Variants in SNTB1 observed in about 807,000 individuals in gnomAD.
SNTB1 encodes beta-1-syntrophin.
In SNTB1, 36 loss-of-function variants were observed where a neutral mutation model predicts 48.9. The observed-to-expected ratio is 0.74, with a 90% CI of 0.56 to 0.97. The LOEUF (loss-of-function observed/expected upper bound fraction) is 0.97, where lower values mean the gene tolerates loss of function less well. Among genes scored for constraint, SNTB1 ranks in the 50% least tolerant of loss-of-function variants. SNTB1 has a pLI of 0.00. For synonymous variants in SNTB1, 299 were observed against 294.6 expected (o/e 1.01, Z -0.15); for missense variants, 786 against 703.4 (o/e 1.12, Z -1.33).
At chr8:120,624,267 T>C (rs1274858359) in intron 3 of SNTB1, among the ~76,000 whole-genome samples, 4 of 152,120 alleles carry the variant, frequency 2.6e-5, no homozygotes, top group Admixed American at 2.6e-4. Flanking sequence ...GAAAGACATT[T>C]ACGTCTTATA....
At chr8:120,580,187 G>T (rs1443003220) in intron 3 of SNTB1, among the ~76,000 whole-genome samples, 1 of 152,108 alleles carries the variant, frequency 6.6e-6, no homozygotes, top group Non-Finnish European at 1.5e-5. Flanking sequence ...AGCAATACGG[G>T]GGTCTCTTTT....
chr8:120,541,740 A>AG (rs1292642889), intron 6 of SNTB1, 70 bp downstream of exon 6: 6 of 1,163,898 alleles, frequency 5.2e-6, no homozygotes, highest in Non-Finnish European at 7.3e-6. Flanking sequence ...AATAAGAGTA[A>AG]GGCAGCATTA....
At chr8:120,639,650 T>G (rs975195392) in intron 2 of SNTB1, among the ~76,000 whole-genome samples, 68 of 152,268 alleles carry the variant, frequency 4.5e-4, no homozygotes, top group African/African-American at 1.4e-3. Context: ...TTTCCCCATT[T>G]CTTGTTTTTG....
chr8:120,792,277 A>C (rs1453573313), intron 1 of SNTB1, among the ~76,000 whole-genome samples: 1 of 146,868 alleles, frequency 6.8e-6, no homozygotes, highest in Non-Finnish European at 1.5e-5. Context: ...GTATGTTCTC[A>C]TAAGTGGGGG....
chr8:120,760,857 TG>T (rs1819407757), intron 1 of SNTB1, among the ~76,000 whole-genome samples: 1 of 152,110 alleles, frequency 6.6e-6, no homozygotes, highest in African/African-American at 2.4e-5. Flanking sequence ...CTGAAGACCT[TG>T]TGAATAATTT....
chr8:120,750,477 A>T (rs772498042), intron 1 of SNTB1, among the ~76,000 whole-genome samples: 1 of 152,168 alleles, frequency 6.6e-6, no homozygotes, highest in Non-Finnish European at 1.5e-5. Flanking sequence ...CTTATCATTC[A>T]TCAAAATCAA....
intron 1 of SNTB1, among the ~76,000 whole-genome samples, chr8:120,755,682 C>T (rs1018148854): frequency 2.0e-5 from 3 of 151,932 alleles, no homozygotes; most frequent in Non-Finnish European, 4.4e-5. Flanking sequence ...GTAGTGATAC[C>T]AGGAACTATG....
intron 1 of SNTB1, among the ~76,000 whole-genome samples, chr8:120,768,326 A>G (rs552749916): frequency 4.7e-4 from 72 of 152,340 alleles, no homozygotes; most frequent in Non-Finnish European, 8.2e-4. Context: ...TGATTGGTGC[A>G]TGGCAGCCCA....
At chr8:120,550,613 T>C (rs1156830227) in intron 4 of SNTB1, among the ~76,000 whole-genome samples, 1 of 149,382 alleles carries the variant, frequency 6.7e-6, no homozygotes, top group African/African-American at 2.5e-5. Flanking sequence ...TCTAGGACAG[T>C]GTGAAGGGAA....
At chr8:120,677,075 A>C (rs988044876) in intron 2 of SNTB1, among the ~76,000 whole-genome samples, 1 of 151,794 alleles carries the variant, frequency 6.6e-6, no homozygotes, top group African/African-American at 2.4e-5. Context: ...AAAAAAAAAA[A>C]AAAACTTTAT....
chr8:120,538,764 G>T lies in SNTB1; in HGVS notation c.*113C>A. The stretch of plus-strand genomic sequence containing the variant: ...TTACATACGACTCTTGAGAGCTAAA[G>T]CTGACTGTAGCACGCTACATCTGGT... On this transcript the variant is annotated 3_prime_UTR_variant, in exon 7 of 7. Transcript: ENST00000517992. 2 of 893,882 alleles carry T rather than the reference G, an allele frequency of 2.2e-6. No individual in the cohort carries two copies. Among genetic ancestry groups the T allele is most frequent in the Non-Finnish European group, 3.8e-6 (2 of 529,450 alleles). 55.4% of individuals were successfully genotyped at this position (893,882 alleles called of 1,614,324 possible).
intron 2 of SNTB1, among the ~76,000 whole-genome samples, chr8:120,677,350 C>T (rs2129805828): frequency 6.6e-6 from 1 of 152,304 alleles, no homozygotes; most frequent in East Asian, 1.9e-4. Flanking sequence ...GATTCAAGGC[C>T]TGTCTCTGTG....
At chr8:120,630,775 A>G (rs1432081707) in intron 3 of SNTB1, among the ~76,000 whole-genome samples, 1 of 152,204 alleles carries the variant, frequency 6.6e-6, no homozygotes, top group African/African-American at 2.4e-5. Flanking sequence ...TTCAGCACTA[A>G]GACTGAACGG....
intron 1 of SNTB1, among the ~76,000 whole-genome samples, chr8:120,754,577 G>T (rs145680874): frequency 3.2e-4 from 48 of 152,266 alleles, no homozygotes; most frequent in African/African-American, 1.1e-3. Flanking sequence ...GTGGGGATAA[G>T]AATTGTTCCA....
intron 2 of SNTB1, among the ~76,000 whole-genome samples, chr8:120,679,752 C>A (rs139064742): frequency 2.0e-5 from 3 of 152,276 alleles, no homozygotes; most frequent in Admixed American, 6.5e-5. Flanking sequence ...CCAGAGAGAT[C>A]TTTGCTACAT....
intron 3 of SNTB1, among the ~76,000 whole-genome samples, chr8:120,584,211 G>C (rs918564124): frequency 2.0e-5 from 3 of 151,856 alleles, no homozygotes; most frequent in Admixed American, 1.3e-4. Context: ...GGAGGCCGAG[G>C]CGGGCAGATC....
At chr8:120,555,386 A>G (rs1815550202) in intron 4 of SNTB1, among the ~76,000 whole-genome samples, 1 of 152,178 alleles carries the variant, frequency 6.6e-6, no homozygotes, top group Admixed American at 6.5e-5. Context: ...TCCATCAGGT[A>G]TGACTTTTAC....
At chr8:120,574,239 G>A (rs1036132163) in intron 4 of SNTB1, among the ~76,000 whole-genome samples, 2 of 152,158 alleles carry the variant, frequency 1.3e-5, no homozygotes, top group Admixed American at 1.3e-4. Context: ...TGGCCAAAGG[G>A]CACGAAATTT....
chr8:120,660,243 G>A (rs557227794), intron 2 of SNTB1, among the ~76,000 whole-genome samples: 2 of 152,326 alleles, frequency 1.3e-5, no homozygotes, highest in South Asian at 4.1e-4. Context: ...GTCCTAGATG[G>A]TGTCTTCTTC....
Sources: gnomAD v4.1 joint callset for allele counts (sites outside exome capture counted in the v4.1 genomes callset) on GRCh38, gnomAD v4.1.1 for gene constraint, MANE v1.5 for transcripts, NCBI Gene and HGNC (gene_info 2026-07-23, HGNC 2026-07-21) for gene names.